Variants in KYAT3 observed in about 807,000 individuals in gnomAD.
KYAT3 encodes the protein kynurenine--oxoglutarate transaminase 3.
A neutral mutation model predicts 59.0 loss-of-function variants in KYAT3; 50 were observed. The observed-to-expected ratio is 0.85, with a 90% confidence interval of 0.68 to 1.07. KYAT3 has a LOEUF of 1.07. Among genes scored for constraint, KYAT3 ranks in the 50% least tolerant of loss-of-function variants. The pLI, the probability that KYAT3 is intolerant of heterozygous loss-of-function variation, is 0.00. For missense variants in KYAT3, 497 were observed against 533.3 expected (o/e 0.93, Z 0.67); for synonymous variants, 148 against 177.0 (o/e 0.84, Z 1.30).
chr1:88,974,478 T>TC (rs1676688956), intron 2 of KYAT3, among the ~76,000 whole-genome samples: 1 of 141,138 alleles, frequency 7.1e-6, no homozygotes, highest in Non-Finnish European at 1.5e-5. Flanking sequence ...TCTTTTTTTT[T>TC]TTTTTTTTTT....
At chr1:88,978,713 G>A (rs1557702437) in intron 2 of KYAT3, among the ~76,000 whole-genome samples, 1 of 149,908 alleles carries the variant, frequency 6.7e-6, no homozygotes, top group Non-Finnish European at 1.5e-5. Context: ...ATATTGCTAT[G>A]TTGCCCAGGC....
At chr1:88,975,039 G>T (rs1358247641) in intron 2 of KYAT3, among the ~76,000 whole-genome samples, 1 of 152,182 alleles carries the variant, frequency 6.6e-6, no homozygotes, top group Non-Finnish European at 1.5e-5. Flanking sequence ...AAATCTTGCT[G>T]CTGCTCACTC....
At chr1:88,924,956 C>T in the KYAT3 span, among the ~76,000 whole-genome samples, 5 of 152,328 alleles carry the variant, frequency 3.3e-5, no homozygotes, top group East Asian at 9.6e-4. Context: ...GATCAGAGAA[C>T]ATGAGGCTTG....
At chr1:88,927,851 CA>C in the KYAT3 span, among the ~76,000 whole-genome samples, 1 of 152,156 alleles carries the variant, frequency 6.6e-6, no homozygotes, top group African/African-American at 2.4e-5. Flanking sequence ...ACTGCTAAAT[CA>C]GACACTAACC....
intron 4 of KYAT3, among the ~76,000 whole-genome samples, chr1:88,966,181 T>C (rs566683731): frequency 2.0e-5 from 3 of 152,310 alleles, no homozygotes; most frequent in South Asian, 4.1e-4. Context: ...TGTATATACC[T>C]ATGTATTTAC....
intron 2 of KYAT3, among the ~76,000 whole-genome samples, chr1:88,976,774 G>A (rs1471935248): frequency 6.6e-6 from 1 of 152,128 alleles, no homozygotes; most frequent in East Asian, 1.9e-4. Context: ...TGATGATCCA[G>A]TTCATCGGTA....
chr1:88,978,927 T>C (rs1448003919), intron 2 of KYAT3, among the ~76,000 whole-genome samples: 2 of 151,868 alleles, frequency 1.3e-5, no homozygotes, highest in Non-Finnish European at 2.9e-5. Context: ...AGTGCTGGGA[T>C]TGCAGGCATG....
At chr1:88,953,983 C>T (rs1236564851) in intron 9 of KYAT3, among the ~76,000 whole-genome samples, 2 of 151,636 alleles carry the variant, frequency 1.3e-5, no homozygotes, top group Admixed American at 1.3e-4. Context: ...GCTCACTCAA[C>T]CTCCGCCTCC....
chr1:88,947,694 C>A (rs182146547), intron 11 of KYAT3, among the ~76,000 whole-genome samples: 1 of 152,326 alleles, frequency 6.6e-6, no homozygotes, highest in Admixed American at 6.5e-5. Flanking sequence ...AGAGACAGAC[C>A]TGAAGACCAA....
chr1:88,926,510 C>T, the KYAT3 span, among the ~76,000 whole-genome samples: 1 of 152,184 alleles, frequency 6.6e-6, no homozygotes, highest in Non-Finnish European at 1.5e-5. Flanking sequence ...TAGACAGGAT[C>T]TCACTGTGTT....
At chr1:88,954,189 C>T (rs563637645) in intron 9 of KYAT3, among the ~76,000 whole-genome samples, 56 of 152,224 alleles carry the variant, frequency 3.7e-4, no homozygotes, top group African/African-American at 1.2e-3. Flanking sequence ...TGCGCTACCA[C>T]GCCTGGCCGA....
chr1:88,933,304 A>C (rs1311629730), downstream of KYAT3, among the ~76,000 whole-genome samples: 2 of 152,180 alleles, frequency 1.3e-5, no homozygotes, highest in Non-Finnish European at 2.9e-5. Context: ...TGATGTAGTA[A>C]GTGCCTACAA....
intron 11 of KYAT3, among the ~76,000 whole-genome samples, chr1:88,945,090 C>T (rs988741148): frequency 2.0e-5 from 3 of 152,042 alleles, no homozygotes; most frequent in Admixed American, 6.6e-5. Context: ...GTGATACACC[C>T]GCCTCGGCCT....
chr1:88,941,093 GTTAC>G (rs758825521), intron 13 of KYAT3, among the ~76,000 whole-genome samples: 1 of 152,116 alleles, frequency 6.6e-6, no homozygotes, highest in Non-Finnish European at 1.5e-5. Flanking sequence ...GAAGTCCTAC[GTTAC>G]TTCTTTCTTC....
At chr1:88,979,938 T>G (rs944335163) in intron 2 of KYAT3, 13 of 151,920 alleles carry the variant, frequency 8.6e-5, no homozygotes, top group African/African-American at 2.7e-4. Context: ...AACAGGTGAG[T>G]AGAAAAACAA....
At chr1:88,950,707 T>A (rs1382929518) in intron 10 of KYAT3, among the ~76,000 whole-genome samples, 2 of 152,202 alleles carry the variant, frequency 1.3e-5, no homozygotes, top group Non-Finnish European at 2.9e-5. Flanking sequence ...TTTTTACTGC[T>A]TCTACCACCC....
At chr1:88,950,996 GC>G (rs780914128) in intron 10 of KYAT3, among the ~76,000 whole-genome samples, 1 of 152,094 alleles carries the variant, frequency 6.6e-6, no homozygotes, top group Non-Finnish European at 1.5e-5. Context: ...TAACATGCCA[GC>G]CAGGCTGTCT....
At chr1:88,926,988 A>G in the KYAT3 span, among the ~76,000 whole-genome samples, 1 of 152,190 alleles carries the variant, frequency 6.6e-6, no homozygotes, top group African/African-American at 2.4e-5. Context: ...GACCACTAGA[A>G]TCCAGCAGCC....
chr1:88,969,806 T>A (rs1676483771), intron 2 of KYAT3, among the ~76,000 whole-genome samples: 1 of 152,126 alleles, frequency 6.6e-6, no homozygotes, highest in African/African-American at 2.4e-5. Context: ...TGTGCCAAAC[T>A]ATTTTTTTTG....
Sources: gnomAD v4.1 joint callset for allele counts (sites outside exome capture counted in the v4.1 genomes callset) on GRCh38, gnomAD v4.1.1 for gene constraint, MANE v1.5 for transcripts, NCBI Gene and HGNC (gene_info 2026-07-23, HGNC 2026-07-21) for gene names.